Variants in LEMD2 observed in about 807,000 individuals in gnomAD.
LEMD2 encodes the protein LEM domain nuclear envelope protein 2.
Under a neutral mutation model 58.8 loss-of-function variants are expected in LEMD2, and 34 were observed. The ratio of observed to expected loss-of-function variants is 0.58; its 90% CI spans 0.44 to 0.77. The LOEUF is 0.77. LEMD2 is among the 30% of genes least tolerant of loss of function. The pLI is 0.00. For missense variants in LEMD2, 629 were observed against 717.9 expected, an observed-to-expected ratio of 0.88 and a Z score of 1.42; for synonymous variants, 298 against 308.9, an observed-to-expected ratio of 0.96 and a Z score of 0.37.
At chr6:33,777,296 C>T (rs1220664419) in intron 6 of LEMD2, 57 bp from the exon 7 acceptor site, 14 of 1,145,640 alleles carry the variant, frequency 1.2e-5, no homozygotes, top group Non-Finnish European at 1.9e-5. Flanking sequence ...GTGGGTCTCA[C>T]CATGGACAAG....
intron 3 of LEMD2, among the ~76,000 whole-genome samples, chr6:33,783,828 C>G (rs1767615297): frequency 6.6e-6 from 1 of 152,188 alleles, no homozygotes; most frequent in African/African-American, 2.4e-5. Context: ...AGATGAAGAC[C>G]CTGAGAGGAT....
intron 3 of LEMD2, chr6:33,781,507 A>C: frequency 4.6e-6 from 1 of 216,092 alleles, no homozygotes; most frequent in Non-Finnish European, 9.1e-6. Flanking sequence ...GAAAAAAGAA[A>C]GGCAGGGAGG....
At chr6:33,779,798 G>A (rs1381710682) in intron 5 of LEMD2, 12 of 300,060 alleles carry the variant, frequency 4.0e-5, no homozygotes, top group South Asian at 2.0e-4. Context: ...AAACCATGTG[G>A]TGTTGTTGAT....
In LEMD2 at chr6:33,776,797, G is replaced by A. The variant is rs1767439826; in HGVS notation, c.1361+157C>T. The A allele has an allele frequency of 6.1e-6, 4 of 653,372 alleles. No individual in the cohort carries two copies. The Admixed American group carries it at 9.1e-5, about 15-fold the overall frequency. The allele number at this position is 653,372 out of a possible 1,614,324, so 40.5% of individuals were successfully genotyped here. A position where few individuals can be genotyped will look rare whatever the true frequency, so the allele number is the denominator to read the frequency against. On this transcript the variant is annotated intron_variant, in intron 8 of 8. Coordinates refer to ENST00000293760, the MANE Select transcript of LEMD2 (RefSeq NM_181336.4). ...CCTGCCATAAAGAGCCGAGCATGCTGGGGAGCAGCAGGAGTGGGAGCAGAG... is the reference window on the plus strand; with the variant it reads ...CCTGCCATAAAGAGCCGAGCATGCTAGGGAGCAGCAGGAGTGGGAGCAGAG...
rs544514728 is a variant in LEMD2 at position 33,778,207 on chromosome 6, G to A, written c.1156+35C>T. On this transcript the variant is annotated intron_variant, in intron 6 of 8. Coordinates refer to ENST00000293760, the MANE Select transcript of LEMD2 (RefSeq NM_181336.4). This position sits in a 1 kb window ranked among gnomAD's most constrained non-coding sequence, Gnocchi z 4.7. ...TTCATGCCTAGGAGTATGCTTGACT[G>A]CACAGAAGGGGAGGGAAGGCGGCCG... 100 of 1,548,002 alleles carry A rather than the reference G, an allele frequency of 6.5e-5. 2 individuals are homozygous for A. Among genetic ancestry groups the A allele is most frequent in the Middle Eastern group, 5.2e-4 (3 of 5,754 alleles).
chr6:33,779,833 T>G (rs1230750301), intron 5 of LEMD2: 2 of 398,608 alleles, frequency 5.0e-6, no homozygotes, highest in Non-Finnish European at 9.1e-6. Context: ...CAGACTGAGT[T>G]ACCTGAGACA....
In LEMD2 at chr6:33,788,835, C is replaced by G; in HGVS notation, c.282G>C (p.Ser94=). ...CCCCAGGGGTCGCGTAGGCCGAGCC[C>G]GAGGCCGGCTGGGAGAGCCAGGGCT... ...RAEPWLSQPA[S]GSAYATPGAY... is the part of the protein sequence containing the mutation. Residue 94 remains serine, a synonymous_variant, in exon 1 of 9, where the codon TCG becomes TCC. Transcript: ENST00000293760. 1 of 1,419,596 alleles carries G rather than the reference C, an allele frequency of 7.0e-7. No individual in the cohort carries two copies. The highest frequency in any genetic ancestry group is 9.2e-7 in the Non-Finnish European group (1 of 1,090,468). 87.9% of individuals were successfully genotyped at this position (1,419,596 alleles called of 1,614,324 possible).
rs1269409712 is a variant in LEMD2, at chr6:33,784,431, G to C, written c.778-4C>G. The C allele has an allele frequency of 8.1e-7, 1 of 1,237,626 alleles. No individual in the cohort carries two copies. Among genetic ancestry groups the C allele is most frequent in the East Asian group, 5.1e-5 (1 of 19,514 alleles). The allele number at this position is 1,237,626 out of a possible 1,614,324, so 76.7% of individuals were successfully genotyped here. A position where few individuals can be genotyped will look rare whatever the true frequency, so the allele number is the denominator to read the frequency against. ...CCTTCTGCTTGGCCTGACAGAACTG[G>C]AAAGGCACGGGACAAGTGGTCAGCA... is the stretch of plus-strand genomic sequence containing the variant. On this transcript the variant is annotated splice_polypyrimidine_tract_variant and splice_region_variant and intron_variant, in intron 2 of 8. Transcript: ENST00000293760.
chr6:33,776,081 G>A (rs1000306701), intron 8 of LEMD2, among the ~76,000 whole-genome samples: 1 of 152,204 alleles, frequency 6.6e-6, no homozygotes, highest in South Asian at 2.1e-4. Flanking sequence ...AGCCCATGTG[G>A]AAGGTGCCCT....
chr6:33,776,332 G>C (rs1212506508), intron 8 of LEMD2, among the ~76,000 whole-genome samples: 1 of 152,220 alleles, frequency 6.6e-6, no homozygotes, highest in East Asian at 1.9e-4. Flanking sequence ...TTCATAAACA[G>C]ACATGTAAGA....
chr6:33,777,880 G>T (rs1446297557), intron 6 of LEMD2, among the ~76,000 whole-genome samples: 1 of 152,178 alleles, frequency 6.6e-6, no homozygotes, highest in Non-Finnish European at 1.5e-5. Context: ...AGTAAAAGTA[G>T]GCCAAGCCCC....
Position 33,788,388 on chromosome 6 carries a change from C to G in LEMD2, c.729G>C (p.Glu243Asp). ...MGKPSAPQEA[E>D]DNMKLLPVDC... ...CGCCGGCCCAGGACGTACTGTTGTCCTCCGCCTCCTGCGGCGCTGAGGGCT... is the reference window on the plus strand; with the variant it reads ...CGCCGGCCCAGGACGTACTGTTGTCGTCCGCCTCCTGCGGCGCTGAGGGCT... The change falls in exon 1 of 9, where the codon GAG (glutamate) becomes GAC (aspartate). Residue 243 changes from glutamate to aspartate, a missense_variant. Coordinates refer to ENST00000293760, the MANE Select transcript of LEMD2 (RefSeq NM_181336.4). The G allele has an allele frequency of 1.9e-6, 3 of 1,576,574 alleles. No individual in the cohort carries two copies. Among genetic ancestry groups the G allele is most frequent in the Non-Finnish European group, 1.7e-6 (2 of 1,162,930 alleles).
At chr6:33,781,336 T>G (rs963005916) in intron 3 of LEMD2, 183 bp from the exon 4 acceptor site, 9 of 592,538 alleles carry the variant, frequency 1.5e-5, no homozygotes, top group Non-Finnish European at 2.7e-5. Flanking sequence ...TTGGATCGAT[T>G]CCAGATCATT....
chr6:33,778,185 A>C lies in LEMD2; in HGVS notation c.1156+57T>G. On this transcript the variant is annotated intron_variant, in intron 6 of 8. Coordinates refer to ENST00000293760, the MANE Select transcript of LEMD2 (RefSeq NM_181336.4). The surrounding 1 kb of genome is among the most constrained non-coding windows in gnomAD (Gnocchi z 4.7). ...CTGGAATTTCTATAGCTCATCATTC[A>C]TGCCTAGGAGTATGCTTGACTGCAC... 2 of 1,463,402 alleles carry C rather than the reference A, an allele frequency of 1.4e-6. No individual in the cohort carries two copies. The highest frequency in any genetic ancestry group is 1.8e-6 in the Non-Finnish European group (2 of 1,098,128). The allele number at this position is 1,463,402 out of a possible 1,614,324, so 90.7% of individuals were successfully genotyped here. A position where few individuals can be genotyped will look rare whatever the true frequency, so the allele number is the denominator to read the frequency against.
At chr6:33,786,918 C>T (rs886506317) in intron 1 of LEMD2, 144 bp from the exon 2 acceptor site, 95 of 1,458,910 alleles carry the variant, frequency 6.5e-5, no homozygotes, top group Non-Finnish European at 7.5e-5. Context: ...AAGGAAGGCA[C>T]TTTTAAAATG....
At chr6:33,772,890 G>T in intron 8 of LEMD2, 112 bp from the exon 9 acceptor site, 1 of 994,524 alleles carries the variant, frequency 1.0e-6, no homozygotes, top group Non-Finnish European at 1.5e-6. Flanking sequence ...ATTTATGTAA[G>T]AGAGGAAAAG....
rs141301120 is a variant in LEMD2 at position 33,772,460 on chromosome 6, C to T, written c.*168G>A. 591 of 583,054 alleles carry T rather than the reference C, an allele frequency of 1.0e-3. 3 individuals carry two copies. The highest frequency in any genetic ancestry group is 1.5e-3 in the Non-Finnish European group (522 of 345,402). The allele number at this position is 583,054 out of a possible 1,614,324, so 36.1% of individuals were successfully genotyped here. On this transcript the variant is annotated 3_prime_UTR_variant, in exon 9 of 9. Coordinates refer to ENST00000293760, the MANE Select transcript of LEMD2 (RefSeq NM_181336.4). ...TTTAAAGGAAGCCCACATTTTCCTG[C>T]GAGCCGAACTCCTCTGAAGAGTATG...
At chr6:33,786,704 A>G (rs374372020) in intron 2 of LEMD2, 30 bp downstream of exon 2, 183 of 1,575,960 alleles carry the variant, frequency 1.2e-4, no homozygotes, top group Non-Finnish European at 1.6e-4. Flanking sequence ...CTCAGGAAGA[A>G]TAATAAAAAC....
At chr6:33,785,911 A>C (rs935480976) in intron 2 of LEMD2, among the ~76,000 whole-genome samples, 1 of 152,234 alleles carries the variant, frequency 6.6e-6, no homozygotes, top group African/African-American at 2.4e-5. Flanking sequence ...CTGCACCAGG[A>C]TGCCCCCTCA....
Sources: allele counts gnomAD v4.1 joint callset (sites outside exome capture counted in the v4.1 genomes callset), GRCh38; gene constraint gnomAD v4.1.1; non-coding constraint Gnocchi (gnomAD v3.1); transcripts MANE v1.5; gene names NCBI Gene and HGNC (gene_info 2026-07-23, HGNC 2026-07-21).